SESN1: variants seen among roughly 807,000 people sequenced by gnomAD.
SESN1 encodes the protein sestrin-1.
Under a neutral mutation model 59.3 loss-of-function variants are expected in SESN1, and 30 were observed. The ratio of observed to expected loss-of-function variants is 0.51; its 90% CI spans 0.38 to 0.69. SESN1 has a LOEUF of 0.69. Among genes scored for constraint, SESN1 ranks in the 30% least tolerant of loss-of-function variants. The pLI is 0.00. For synonymous variants in SESN1, 197 were observed against 219.9 expected, an observed-to-expected ratio of 0.90 and a Z score of 0.92; for missense variants, 566 against 673.0, an observed-to-expected ratio of 0.84 and a Z score of 1.76.
intron 1 of SESN1, among the ~76,000 whole-genome samples, chr6:109,032,688 G>T (rs1025066100): frequency 2.0e-5 from 3 of 152,038 alleles, no homozygotes; most frequent in African/African-American, 4.8e-5. Context: ...AAATATGGAA[G>T]AATATAAATT....
intron 1 of SESN1, among the ~76,000 whole-genome samples, chr6:109,028,970 A>T (rs984903111): frequency 6.6e-6 from 1 of 152,170 alleles, no homozygotes; most frequent in Non-Finnish European, 1.5e-5. Flanking sequence ...ATGTATATTA[A>T]CTGTCTCATA....
intron 1 of SESN1, among the ~76,000 whole-genome samples, chr6:109,087,085 C>T (rs1431371397): frequency 1.3e-5 from 2 of 152,194 alleles, no homozygotes; most frequent in South Asian, 2.1e-4. Context: ...GAGCCAAGAT[C>T]GTGCCACTGC....
chr6:109,016,184 T>G (rs1779924728), intron 1 of SESN1, among the ~76,000 whole-genome samples: 1 of 152,230 alleles, frequency 6.6e-6, no homozygotes, highest in Non-Finnish European at 1.5e-5. Context: ...TTTAAATGCT[T>G]TGTTTATACT....
rs2114261655 is a variant in SESN1, at chr6:108,990,684, C to T, written c.1385G>A (p.Arg462Gln). Residue 462 changes from arginine (R) to glutamine (Q), a missense_variant, in exon 8 of 10, where the codon CGG becomes CAG. Coordinates refer to ENST00000436639, the MANE Select transcript of SESN1 (RefSeq NM_014454.3). The part of the protein sequence containing the change: ...HKDVDTSMLR[R>Q]AIWNYIHCMF... Reference sequence around the variant, plus strand: ...GCAGTGAATATAGTTCCAAATTGCCCGTCTAAGCATTGAGGTATCAACATC... The same window carrying T: ...GCAGTGAATATAGTTCCAAATTGCCTGTCTAAGCATTGAGGTATCAACATC... 1.9e-6 allele frequency: 3 copies of T among 1,613,990 alleles called. No individual in the cohort carries two copies. The highest frequency in any genetic ancestry group is 2.5e-6 in the Non-Finnish European group (3 of 1,179,974).
chr6:109,081,341 C>T (rs1302492755), intron 1 of SESN1, among the ~76,000 whole-genome samples: 1 of 152,176 alleles, frequency 6.6e-6, no homozygotes, highest in Non-Finnish European at 1.5e-5. Flanking sequence ...CCTGGGATCA[C>T]AGGTGTGAGT....
chr6:109,055,579 T>C (rs1156711829), intron 1 of SESN1, among the ~76,000 whole-genome samples: 1 of 150,610 alleles, frequency 6.6e-6, no homozygotes. Context: ...AGAGAACTGC[T>C]TGAACCTGGG....
At chr6:109,080,349 T>C (rs1003129673) in intron 1 of SESN1, among the ~76,000 whole-genome samples, 3 of 152,214 alleles carry the variant, frequency 2.0e-5, no homozygotes, top group African/African-American at 7.2e-5. Context: ...TTTTAGGTAG[T>C]GCATTAAATA....
Position 108,991,230 on chromosome 6 carries a change from T to A in SESN1, c.1234-395A>T, listed in dbSNP as rs543467675. On this transcript the variant is annotated intron_variant, in intron 7 of 9. Coordinates refer to ENST00000436639, the MANE Select transcript of SESN1 (RefSeq NM_014454.3). The stretch of plus-strand genomic sequence containing the variant: ...ATTCAAGTGGTCTTCAAATTATGAG[T>A]GTGTGTGTGTGTGTGTGTGTGTGTT... 1.5e-4 allele frequency among the ~76,000 whole-genome samples: 15 copies of A among 97,804 alleles called. No homozygotes were observed. The South Asian group carries it at 3.8e-3, about 25-fold the overall frequency. The allele number at this position is 97,804 out of a possible 152,430, so 64.2% of individuals were successfully genotyped here.
chr6:108,997,244 T>C (rs1297443441), intron 5 of SESN1, among the ~76,000 whole-genome samples: 3 of 152,216 alleles, frequency 2.0e-5, no homozygotes, highest in Admixed American at 6.5e-5. Flanking sequence ...ATTCTTTTAA[T>C]AGAAGGAGAA....
intron 1 of SESN1, among the ~76,000 whole-genome samples, chr6:109,080,024 C>T (rs1318164631): frequency 6.6e-6 from 1 of 152,022 alleles, no homozygotes; most frequent in East Asian, 1.9e-4. Flanking sequence ...AGATTTCAAA[C>T]ATTTATAATC....
At chr6:109,083,446 T>C (rs897014757) in intron 1 of SESN1, among the ~76,000 whole-genome samples, 1 of 152,200 alleles carries the variant, frequency 6.6e-6, no homozygotes, top group African/African-American at 2.4e-5. Flanking sequence ...TGGCAGATAG[T>C]AGATACACAC....
chr6:109,066,738 AAG>A (rs1290894207), intron 1 of SESN1, among the ~76,000 whole-genome samples: 1 of 152,226 alleles, frequency 6.6e-6, no homozygotes, highest in Non-Finnish European at 1.5e-5. Flanking sequence ...TTATTTTTAA[AAG>A]AGAAGAAATA....
chr6:109,032,951 A>G (rs1381394377), intron 1 of SESN1, among the ~76,000 whole-genome samples: 1 of 152,208 alleles, frequency 6.6e-6, no homozygotes, highest in Non-Finnish European at 1.5e-5. Context: ...GAACCCACAC[A>G]GGTATTTCAT....
intron 8 of SESN1, among the ~76,000 whole-genome samples, chr6:108,989,755 G>A (rs1367644334): frequency 6.6e-6 from 1 of 152,170 alleles, no homozygotes; most frequent in Non-Finnish European, 1.5e-5. Flanking sequence ...ACTTAGGAGA[G>A]CCTATCCTGC....
At chr6:109,093,475 C>T (rs1391495435) in intron 1 of SESN1, among the ~76,000 whole-genome samples, 2 of 151,966 alleles carry the variant, frequency 1.3e-5, no homozygotes, top group African/African-American at 4.8e-5. Context: ...TAAATGTGAG[C>T]CTTTACACTC....
chr6:109,028,234 T>TTGAG (rs1233374315), intron 1 of SESN1, among the ~76,000 whole-genome samples: 1 of 152,232 alleles, frequency 6.6e-6, no homozygotes, highest in Admixed American at 6.5e-5. Context: ...AAAATAAATC[T>TTGAG]TCTCAAGTTT....
intron 1 of SESN1, among the ~76,000 whole-genome samples, chr6:109,004,892 T>C (rs1037638499): frequency 6.6e-6 from 1 of 152,202 alleles, no homozygotes; most frequent in African/African-American, 2.4e-5. Flanking sequence ...TCACAGGCTG[T>C]ATTGGAGAAA....
intron 1 of SESN1, among the ~76,000 whole-genome samples, chr6:109,046,682 G>C (rs907520577): frequency 8.7e-4 from 118 of 135,376 alleles, no homozygotes; most frequent in African/African-American, 3.2e-3. Flanking sequence ...AGTGAGGAGC[G>C]TCTCTGCCCG....
rs147125384 is a variant in SESN1 at position 109,071,005 on chromosome 6, T to C, written c.279+22790A>G. ...GGACGTTTTCCTCCTGGTTTACCCA[T>C]CTCATTTAAAGAGAAAAAGCTACAG... On this transcript the variant is annotated intron_variant, in intron 1 of 9. Coordinates refer to ENST00000436639, the MANE Select transcript of SESN1 (RefSeq NM_014454.3). 3.9e-5 allele frequency among the ~76,000 whole-genome samples: 6 copies of C among 152,310 alleles called. No individual in the cohort carries two copies. In the East Asian group the frequency reaches 1.2e-3, roughly 29 times the overall value.
Sources: allele counts gnomAD v4.1 joint callset (sites outside exome capture counted in the v4.1 genomes callset), GRCh38; gene constraint gnomAD v4.1.1; transcripts MANE v1.5; gene names NCBI Gene and HGNC (gene_info 2026-07-23, HGNC 2026-07-21).